NBPF3: variants seen among roughly 807,000 people sequenced by gnomAD.
The protein encoded by NBPF3 is NBPF member 3.
Under a neutral mutation model 78.1 loss-of-function variants are expected in NBPF3, and 57 were observed. The observed-to-expected ratio is 0.73, with a 90% CI of 0.59 to 0.91. The LOEUF is 0.91. Among genes scored for constraint, NBPF3 ranks in the 40% least tolerant of loss-of-function variants. The pLI is 0.00. For synonymous variants in NBPF3, 182 were observed against 271.7 expected, an observed-to-expected ratio of 0.67 and a Z score of 3.25; for missense variants, 510 against 715.3, an observed-to-expected ratio of 0.71 and a Z score of 3.27.
At chr1:21,474,842 G>C in intron 7 of NBPF3, 58 bp from the exon 8 acceptor site, 1 of 1,443,698 alleles carries the variant, frequency 6.9e-7, no homozygotes, top group Non-Finnish European at 9.7e-7. Flanking sequence ...ACACTGATTT[G>C]GTCATATGTG....
intron 2 of NBPF3, chr1:21,446,485 CCTTCCT>C (rs1640982929): frequency 1.3e-5 from 2 of 149,184 alleles, no homozygotes; most frequent in Non-Finnish European, 3.0e-5. Context: ...TTCCTTCCTT[CCTTCCT>C]TCCCTACTTC....
In NBPF3 at chr1:21,484,535, G is replaced by A. The variant is rs113330999; in HGVS notation, c.*1149G>A. 2.5e-4 allele frequency: 21 copies of A among 83,558 alleles called. 1 individual carries two copies. Among genetic ancestry groups the A allele is most frequent in the South Asian group, 8.5e-4 (1 of 1,172 alleles). The allele number at this position is 83,558 out of a possible 1,614,324, so 5.2% of individuals were successfully genotyped here. On this transcript the variant is annotated 3_prime_UTR_variant, in exon 15 of 15. Coordinates refer to ENST00000318249, the MANE Select transcript of NBPF3 (RefSeq NM_032264.6). ...CCTCAGCCCATCTGTGGGCAGAGAA[G>A]GTCTAGTTTGTCCATCAGCATTATC...
intron 2 of NBPF3, among the ~76,000 whole-genome samples, chr1:21,452,927 T>C (rs1420824530): frequency 6.6e-6 from 1 of 152,188 alleles, no homozygotes; most frequent in Admixed American, 6.5e-5. Context: ...GGAACCACAG[T>C]TGAAAGTACA....
Position 21,478,162 on chromosome 1 carries a change from A to G in NBPF3, c.1011A>G (p.Glu337=). ...TCATCAGGAATCTGCAGGAGTCTGA[A>G]GAGGAGGAAGCCCCCCAGGAGTCCT... is the stretch of plus-strand genomic sequence containing the variant. The part of the protein sequence containing the change: ...PVSPRNLQES[E]EEEAPQESWD... Residue 337 remains glutamate (E), a synonymous_variant, in exon 9 of 15, where the codon GAA becomes GAG. Transcript: ENST00000318249. 1 of 1,614,076 alleles carries G rather than the reference A, an allele frequency of 6.2e-7. No homozygotes were observed. Among genetic ancestry groups the G allele is most frequent in the Non-Finnish European group, 8.5e-7 (1 of 1,180,036 alleles).
Position 21,442,674 on chromosome 1 carries a change from T to C in NBPF3, c.-139-2274T>C, listed in dbSNP as rs57435387. On this transcript the variant is annotated intron_variant, in intron 1 of 14. Coordinates refer to ENST00000318249, the MANE Select transcript of NBPF3 (RefSeq NM_032264.6). ...AATTTTATTTCAGTTTTTGCATTTTTTTTTTTTCAGACAGGGCCTCACTCT... is the reference window on the plus strand; with the variant it reads ...AATTTTATTTCAGTTTTTGCATTTTCTTTTTTTCAGACAGGGCCTCACTCT... 2.2e-3 allele frequency among the ~76,000 whole-genome samples: 338 copies of C among 152,228 alleles called. 2 individuals carry two copies. Among genetic ancestry groups the C allele is most frequent in the African/African-American group, 7.9e-3 (330 of 41,528 alleles).
chr1:21,465,361 C>T (rs1344549853), intron 2 of NBPF3, among the ~76,000 whole-genome samples: 1 of 152,278 alleles, frequency 6.6e-6, no homozygotes, highest in East Asian at 1.9e-4. Flanking sequence ...CACCTGAGCC[C>T]TCTGAATCAG....
intron 2 of NBPF3, among the ~76,000 whole-genome samples, chr1:21,467,591 A>G (rs1642346271): frequency 6.6e-6 from 1 of 152,192 alleles, no homozygotes; most frequent in East Asian, 1.9e-4. Context: ...ATATCAAACC[A>G]CATTCCATAA....
intron 6 of NBPF3, 66 bp from the exon 7 acceptor site, chr1:21,473,314 C>G: frequency 1.3e-6 from 2 of 1,555,152 alleles, no homozygotes; most frequent in Admixed American, 3.3e-5. Flanking sequence ...AACCAGCTAG[C>G]ACTCCCTGGT....
At position 21,445,141 on chromosome 1, in the gene NBPF3, G is replaced by A. The variant is rs759066729; in HGVS notation, c.55G>A (p.Val19Ile). The change falls in exon 2 of 15, where the codon GTA becomes ATA. Residue 19 changes from valine to isoleucine, a missense_variant. Physicochemically the swap from Val to Ile is conservative, Grantham distance 29. This residue lies in a region of NBPF3 where 440 missense variants were observed against 478.2 expected (regional missense o/e 0.92). Coordinates refer to ENST00000318249, the MANE Select transcript of NBPF3 (RefSeq NM_032264.6). ...CCAGTGGACTCTCCGAGGCCCTGAT[G>A]TAGAAACTTCCCCATTCGGTGCACC... is the stretch of plus-strand genomic sequence containing the variant. ...GFQWTLRGPD[V>I]ETSPFGAPRA... The A allele has an allele frequency of 4.3e-6, 7 of 1,611,826 alleles. No individual in the cohort carries two copies. In the East Asian group the frequency reaches 6.7e-5, roughly 15 times the overall value.
In NBPF3 at chr1:21,478,261, T is replaced by C; in HGVS notation, c.1110T>C (p.Phe370=). ...SASYQSDRST[F]HSVEEQQVGL... ...CATACCAGTCTGACAGGAGCACCTT[T>C]CACTCAGTAGAGGAACAGCAAGTCG... The change falls in exon 9 of 15, where the codon TTT becomes TTC. Residue 370 remains phenylalanine (F), a synonymous_variant. Transcript: ENST00000318249. 1 of 1,614,168 alleles carries C rather than the reference T, an allele frequency of 6.2e-7. No homozygotes were observed. The highest frequency in any genetic ancestry group is 8.5e-7 in the Non-Finnish European group (1 of 1,180,028).
At chr1:21,480,401 G>C (rs1254939850) in intron 11 of NBPF3, among the ~76,000 whole-genome samples, 178 bp downstream of exon 11, 1 of 112,140 alleles carries the variant, frequency 8.9e-6, no homozygotes, top group African/African-American at 2.6e-5. Flanking sequence ...ACATGAAATG[G>C]GTCAGTGAGC....
At chr1:21,465,096 A>G (rs1292108759) in intron 2 of NBPF3, among the ~76,000 whole-genome samples, 1 of 151,818 alleles carries the variant, frequency 6.6e-6, no homozygotes, top group Non-Finnish European at 1.5e-5. Context: ...AATGTGTTAG[A>G]TGAAAGAAGT....
At chr1:21,438,679 C>T (rs548011674), upstream of NBPF3, among the ~76,000 whole-genome samples, 13 of 152,198 alleles carry the variant, frequency 8.5e-5, no homozygotes, top group African/African-American at 2.9e-4. Context: ...CCTATGGAGT[C>T]GTTCCTGTTA....
chr1:21,441,633 G>T (rs1640652975), intron 1 of NBPF3, among the ~76,000 whole-genome samples: 1 of 150,784 alleles, frequency 6.6e-6, no homozygotes, highest in African/African-American at 2.5e-5. Flanking sequence ...CCAGAGCCCG[G>T]AAGGTTGAGA....
intron 2 of NBPF3, among the ~76,000 whole-genome samples, chr1:21,458,064 G>A (rs1641732413): frequency 6.6e-6 from 1 of 152,198 alleles, no homozygotes; most frequent in Admixed American, 6.5e-5. Context: ...TCTGAGTCCT[G>A]AAGACCTTCC....
chr1:21,438,198 C>T (rs1569883161), upstream of NBPF3, among the ~76,000 whole-genome samples: 1 of 151,742 alleles, frequency 6.6e-6, no homozygotes, highest in African/African-American at 2.4e-5. Flanking sequence ...CTGCAACCTC[C>T]GCCTCCTGGG....
chr1:21,471,958 G>A (rs181046346), intron 5 of NBPF3, among the ~76,000 whole-genome samples, 175 bp downstream of exon 5: 6 of 152,200 alleles, frequency 3.9e-5, no homozygotes, highest in African/African-American at 1.2e-4. Context: ...GTGGGAAACC[G>A]ATTGGGTTGG....
At chr1:21,436,821 C>A, upstream of NBPF3, 2 of 950,596 alleles carry the variant, frequency 2.1e-6, no homozygotes, top group Non-Finnish European at 2.7e-6. This position sits in a 1 kb window ranked among gnomAD's most constrained non-coding sequence, Gnocchi z 4.3. Context: ...TAGGAAGGGG[C>A]TTGAGCGTTC....
intron 4 of NBPF3, among the ~76,000 whole-genome samples, chr1:21,471,133 C>G (rs1642570386): frequency 6.6e-6 from 1 of 152,142 alleles, no homozygotes; most frequent in South Asian, 2.1e-4. Context: ...CCTTCTCGAG[C>G]CTGTCATTCC....
Sources: gnomAD v4.1 joint callset for allele counts (sites outside exome capture counted in the v4.1 genomes callset) on GRCh38, gnomAD v4.1.1 for gene constraint, gnomAD v4.1.1 regional missense constraint, Gnocchi (gnomAD v3.1) non-coding constraint, MANE v1.5 for transcripts, NCBI Gene and HGNC (gene_info 2026-07-23, HGNC 2026-07-21) for gene names.